Variants in ZNF804B observed in about 807,000 individuals in gnomAD.
ZNF804B encodes zinc finger 804B.
ZNF804B carries 80 observed loss-of-function variants against 101.4 expected under a neutral mutation model. That is an observed-to-expected ratio of 0.79 (90% CI 0.66 to 0.95). The LOEUF is 0.95. Ranked by LOEUF, ZNF804B falls within the 40% of genes least tolerant of loss-of-function variation. The pLI, the probability that ZNF804B is intolerant of heterozygous loss-of-function variation, is 0.00. For missense variants in ZNF804B, 1,673 were observed against 1,561.9 expected (o/e 1.07, Z -1.20); for synonymous variants, 622 against 558.8 (o/e 1.11, Z -1.59).
At chr7:89,152,241 G>T (rs1378004112) in intron 1 of ZNF804B, among the ~76,000 whole-genome samples, 2 of 143,326 alleles carry the variant, frequency 1.4e-5, no homozygotes, top group Non-Finnish European at 3.1e-5. Flanking sequence ...TCAGACTACT[G>T]CATGGTTTTT....
intron 1 of ZNF804B, among the ~76,000 whole-genome samples, chr7:88,840,413 T>A (rs911010333): frequency 1.3e-5 from 2 of 152,172 alleles, no homozygotes; most frequent in African/African-American, 4.8e-5. Flanking sequence ...AGTAACAATA[T>A]CTAGCCTTGT....
chr7:89,177,040 G>T (rs1248586957), intron 1 of ZNF804B, among the ~76,000 whole-genome samples: 1 of 151,486 alleles, frequency 6.6e-6, no homozygotes, highest in Non-Finnish European at 1.5e-5. Flanking sequence ...TTGTTAGTCT[G>T]GCTAAGCTTT....
intron 1 of ZNF804B, among the ~76,000 whole-genome samples, chr7:89,087,069 A>G (rs1376923268): frequency 1.4e-5 from 2 of 139,318 alleles, no homozygotes; most frequent in African/African-American, 5.2e-5. Context: ...AAAAAAAAAA[A>G]AAGAAAGGAA....
At chr7:89,087,231 A>G (rs1440043438) in intron 1 of ZNF804B, among the ~76,000 whole-genome samples, 6 of 151,960 alleles carry the variant, frequency 3.9e-5, no homozygotes, top group Non-Finnish European at 7.4e-5. Context: ...GAAAATAAGT[A>G]AGACAAACAG....
At chr7:88,885,354 T>C (rs1792110279) in intron 1 of ZNF804B, among the ~76,000 whole-genome samples, 1 of 151,750 alleles carries the variant, frequency 6.6e-6, no homozygotes, top group African/African-American at 2.4e-5. Context: ...ATTTATCTTT[T>C]CTCATAGAAC....
intron 1 of ZNF804B, among the ~76,000 whole-genome samples, chr7:89,069,230 A>G (rs1156971077): frequency 2.0e-5 from 3 of 152,202 alleles, no homozygotes; most frequent in Non-Finnish European, 2.9e-5. Flanking sequence ...GAAATCTCTT[A>G]TGTCTCTTTA....
chr7:88,856,099 A>G (rs1185452968), intron 1 of ZNF804B, among the ~76,000 whole-genome samples: 2 of 151,844 alleles, frequency 1.3e-5, no homozygotes, highest in African/African-American at 2.4e-5. Flanking sequence ...CTCTTTTTTC[A>G]TTCCATATGA....
At chr7:89,234,558 C>A (rs1789249456) in intron 2 of ZNF804B, among the ~76,000 whole-genome samples, 3 of 152,056 alleles carry the variant, frequency 2.0e-5, no homozygotes, top group Non-Finnish European at 1.5e-5. Flanking sequence ...TTGGGTATGT[C>A]AGTGAGGGCA....
At chr7:89,294,688 C>T (rs992306052) in intron 2 of ZNF804B, among the ~76,000 whole-genome samples, 3 of 151,866 alleles carry the variant, frequency 2.0e-5, no homozygotes, top group Admixed American at 6.6e-5. Flanking sequence ...TTTTATCACT[C>T]TTAATTCACT....
chr7:89,100,692 G>T (rs1027185834), intron 1 of ZNF804B, among the ~76,000 whole-genome samples: 10 of 151,806 alleles, frequency 6.6e-5, no homozygotes, highest in African/African-American at 2.2e-4. Flanking sequence ...CACACAAATG[G>T]CAAACACATT....
Position 89,031,435 on chromosome 7 carries a change from G to A in ZNF804B, c.109-186720G>A, listed in dbSNP as rs149631402. ...AAACCCTGAGCTATTTAAGAACAGG[G>A]AACATTTTTCTCTCAGTCTCCAAAA... On this transcript the variant is annotated intron_variant, in intron 1 of 3. Coordinates refer to ENST00000333190, the MANE Select transcript of ZNF804B (RefSeq NM_181646.5). 4.5e-3 allele frequency among the ~76,000 whole-genome samples: 690 copies of A among 151,978 alleles called. 2 individuals carry two copies. Among genetic ancestry groups the A allele is most frequent in the Non-Finnish European group, 7.5e-3 (510 of 67,958 alleles).
At chr7:89,252,375 A>T (rs1208302307) in intron 2 of ZNF804B, among the ~76,000 whole-genome samples, 2 of 152,150 alleles carry the variant, frequency 1.3e-5, no homozygotes, top group South Asian at 2.1e-4. Flanking sequence ...AAAAGCAAAC[A>T]AACAGAAAAC....
chr7:89,291,222 A>G (rs1790284940), intron 2 of ZNF804B, among the ~76,000 whole-genome samples: 1 of 152,214 alleles, frequency 6.6e-6, no homozygotes, highest in Admixed American at 6.5e-5. Flanking sequence ...CAATGCCCAG[A>G]CACTGACAAA....
intron 1 of ZNF804B, among the ~76,000 whole-genome samples, chr7:88,942,501 A>AGTGT (rs72429940): frequency 0.031 from 2,733 of 86,958 alleles, 79 homozygotes; most frequent in African/African-American, 0.08. Flanking sequence ...TATTTGAGTG[A>AGTGT]GTGTGTGTGT....
chr7:89,086,622 T>C (rs1789806298), intron 1 of ZNF804B, among the ~76,000 whole-genome samples: 1 of 152,008 alleles, frequency 6.6e-6, no homozygotes, highest in Non-Finnish European at 1.5e-5. Flanking sequence ...TAAATTGTCC[T>C]ACCTTGGTTT....
At chr7:89,217,630 A>T (rs1410443140) in intron 1 of ZNF804B, among the ~76,000 whole-genome samples, 1 of 152,200 alleles carries the variant, frequency 6.6e-6, no homozygotes, top group Non-Finnish European at 1.5e-5. Context: ...TTTGAAGAAC[A>T]TGGACATAAA....
chr7:89,232,238 A>C (rs1320482727), intron 2 of ZNF804B, among the ~76,000 whole-genome samples: 1 of 152,078 alleles, frequency 6.6e-6, no homozygotes, highest in African/African-American at 2.4e-5. Context: ...TATTAATTGA[A>C]TTTTTGGATA....
intron 2 of ZNF804B, among the ~76,000 whole-genome samples, chr7:89,253,600 A>G (rs536966211): frequency 4.0e-4 from 61 of 152,224 alleles, no homozygotes; most frequent in African/African-American, 1.5e-3. Context: ...AAATCCTCTC[A>G]TTGTGTAAAC....
At chr7:88,769,330 G>A (rs1392193062) in intron 1 of ZNF804B, among the ~76,000 whole-genome samples, 1 of 152,076 alleles carries the variant, frequency 6.6e-6, no homozygotes, top group Non-Finnish European at 1.5e-5. Flanking sequence ...TGGATTAAGT[G>A]GTCACTGTTT....
Sources: gnomAD v4.1 joint callset for allele counts (sites outside exome capture counted in the v4.1 genomes callset) on GRCh38, gnomAD v4.1.1 for gene constraint, MANE v1.5 for transcripts, NCBI Gene and HGNC (gene_info 2026-07-23, HGNC 2026-07-21) for gene names.